FRMD4A: variants seen among roughly 807,000 people sequenced by gnomAD.
The protein encoded by FRMD4A is FERM domain-containing protein 4A.
FRMD4A carries 29 observed loss-of-function variants against 129.1 expected under a neutral mutation model. That is an observed-to-expected ratio of 0.22 (90% confidence interval 0.17 to 0.31). The LOEUF is 0.31. Ranked by LOEUF, FRMD4A falls within the 10% of genes least tolerant of loss-of-function variation. FRMD4A has a pLI of 1.00. For missense variants in FRMD4A, 1,272 were observed against 1,375.8 expected (o/e 0.92, Z 1.19); for synonymous variants, 634 against 571.6 (o/e 1.11, Z -1.56).
At chr10:14,306,118 C>T (rs925299244) in intron 2 of FRMD4A, among the ~76,000 whole-genome samples, 3 of 152,022 alleles carry the variant, frequency 2.0e-5, no homozygotes, top group African/African-American at 7.3e-5. Flanking sequence ...GCACATGCAC[C>T]CCTGAACTTT....
chr10:13,697,678 C>A (rs1393097649), intron 14 of FRMD4A, among the ~76,000 whole-genome samples: 1 of 152,014 alleles, frequency 6.6e-6, no homozygotes, highest in Non-Finnish European at 1.5e-5. Flanking sequence ...ATGTCCCTGT[C>A]CCCCTTTGAC....
intron 24 of FRMD4A, among the ~76,000 whole-genome samples, chr10:13,650,616 C>T (rs74121357): frequency 0.048 from 7,330 of 152,194 alleles, 500 homozygotes; most frequent in African/African-American, 0.15. Context: ...CATGACATCA[C>T]CCTGGCACTG....
At chr10:13,767,752 G>A (rs2092332216) in intron 6 of FRMD4A, among the ~76,000 whole-genome samples, 1 of 152,196 alleles carries the variant, frequency 6.6e-6, no homozygotes. Flanking sequence ...GGGCTGAGGT[G>A]TAACATTCCT....
At chr10:13,844,152 CAT>C (rs1287842201) in intron 3 of FRMD4A, among the ~76,000 whole-genome samples, 1 of 151,888 alleles carries the variant, frequency 6.6e-6, no homozygotes, top group Non-Finnish European at 1.5e-5. Context: ...TATGTGTGTA[CAT>C]GAGTATATGT....
chr10:14,080,380 G>C (rs370700772), intron 2 of FRMD4A, among the ~76,000 whole-genome samples: 14 of 152,054 alleles, frequency 9.2e-5, no homozygotes, highest in African/African-American at 3.4e-4. Flanking sequence ...TATGACATTG[G>C]AACTGGCTCC....
intron 3 of FRMD4A, among the ~76,000 whole-genome samples, chr10:13,826,341 C>T (rs1303650290): frequency 6.6e-6 from 1 of 152,164 alleles, no homozygotes; most frequent in East Asian, 1.9e-4. Flanking sequence ...AGAACGCAGG[C>T]CACTTCCCTT....
At chr10:14,271,398 C>A (rs967134740) in intron 2 of FRMD4A, among the ~76,000 whole-genome samples, 1 of 152,216 alleles carries the variant, frequency 6.6e-6, no homozygotes, top group African/African-American at 2.4e-5. Flanking sequence ...AGGATGCTAT[C>A]CCTTTATAGG....
chr10:14,209,786 A>T (rs1006910491), intron 2 of FRMD4A, among the ~76,000 whole-genome samples: 16 of 150,764 alleles, frequency 1.1e-4, no homozygotes, highest in Non-Finnish European at 2.1e-4. Context: ...ATCCCAGGAG[A>T]CTGAGGTGAG....
chr10:13,650,606 C>A (rs546590964), intron 24 of FRMD4A, among the ~76,000 whole-genome samples: 1 of 152,208 alleles, frequency 6.6e-6, no homozygotes, highest in Non-Finnish European at 1.5e-5. Flanking sequence ...ATACTGCTCT[C>A]ATGACATCAC....
At chr10:13,885,041 G>A (rs1201382283) in intron 2 of FRMD4A, among the ~76,000 whole-genome samples, 1 of 152,174 alleles carries the variant, frequency 6.6e-6, no homozygotes, top group Non-Finnish European at 1.5e-5. Flanking sequence ...AGTAATATAA[G>A]TAAACAAGGT....
intron 2 of FRMD4A, among the ~76,000 whole-genome samples, chr10:13,894,641 C>T (rs1052857995): frequency 2.0e-5 from 3 of 152,184 alleles, no homozygotes; most frequent in African/African-American, 4.8e-5. Flanking sequence ...GCTTCCTCTC[C>T]CTGGAAGGCC....
chr10:13,878,319 C>G (rs1414556173), intron 2 of FRMD4A, among the ~76,000 whole-genome samples: 2 of 151,612 alleles, frequency 1.3e-5, no homozygotes, highest in Non-Finnish European at 2.9e-5. Flanking sequence ...TGGATCTGAG[C>G]TGCTTAAAAG....
intron 2 of FRMD4A, among the ~76,000 whole-genome samples, chr10:14,261,578 G>A (rs1844803003): frequency 6.6e-6 from 1 of 152,136 alleles, no homozygotes; most frequent in African/African-American, 2.4e-5. Flanking sequence ...GGTCTTCCAG[G>A]GAATATGCCA....
At chr10:13,818,426 T>C (rs1454366643) in intron 3 of FRMD4A, among the ~76,000 whole-genome samples, 1 of 152,184 alleles carries the variant, frequency 6.6e-6, no homozygotes, top group African/African-American at 2.4e-5. Context: ...TTCTTTGGCT[T>C]CCCAAAGTGC....
intron 2 of FRMD4A, among the ~76,000 whole-genome samples, chr10:14,170,897 TAC>T (rs147226617): frequency 0.011 from 1,631 of 152,206 alleles, 25 homozygotes; most frequent in African/African-American, 0.038. Flanking sequence ...TTCTTCAGAT[TAC>T]ACTCCTTACA....
At chr10:14,169,038 A>G (rs1841337472) in intron 2 of FRMD4A, among the ~76,000 whole-genome samples, 1 of 152,220 alleles carries the variant, frequency 6.6e-6, no homozygotes, top group African/African-American at 2.4e-5. Flanking sequence ...TAAATGCATC[A>G]TAGTGGCTCT....
intron 2 of FRMD4A, among the ~76,000 whole-genome samples, chr10:14,239,283 C>T (rs1843944107): frequency 6.6e-6 from 1 of 152,168 alleles, no homozygotes; most frequent in Non-Finnish European, 1.5e-5. Context: ...TTAAAAGTGC[C>T]TTTTAAATTG....
intron 8 of FRMD4A, among the ~76,000 whole-genome samples, chr10:13,750,109 G>GAAAGAAAGAAAGA (rs59377985): frequency 6.8e-5 from 5 of 73,572 alleles, no homozygotes; most frequent in African/African-American, 1.2e-4. Context: ...AGAAAGAAAT[G>GAAAGAAAGAAAGA]AAGAAAGAAA....
intron 2 of FRMD4A, among the ~76,000 whole-genome samples, chr10:14,140,600 G>A (rs1464373855): frequency 6.6e-6 from 1 of 152,032 alleles, no homozygotes; most frequent in Non-Finnish European, 1.5e-5. Context: ...CATTTCCTTG[G>A]TATCATGCCT....
Sources: allele counts gnomAD v4.1 joint callset (sites outside exome capture counted in the v4.1 genomes callset), GRCh38; gene constraint gnomAD v4.1.1; transcripts MANE v1.5; gene names NCBI Gene and HGNC (gene_info 2026-07-23, HGNC 2026-07-21).